PHLPP2: variants seen among roughly 807,000 people sequenced by gnomAD.
PHLPP2 encodes PH domain and leucine rich repeat protein phosphatase 2.
A neutral mutation model predicts 124.9 loss-of-function variants in PHLPP2; 66 were observed. The observed-to-expected ratio is 0.53, with a 90% CI of 0.43 to 0.65. PHLPP2 has a LOEUF of 0.65. PHLPP2 is among the 30% of genes least tolerant of loss of function. The pLI is 0.00. For synonymous variants in PHLPP2, 681 were observed against 624.7 expected, an observed-to-expected ratio of 1.09 and a Z score of -1.34; for missense variants, 1,685 against 1,600.4, an observed-to-expected ratio of 1.05 and a Z score of -0.90.
In PHLPP2 at chr16:71,664,081, T is replaced by A; in HGVS notation, c.1803A>T (p.Ala601=). The change falls in exon 13 of 19, where the codon GCA becomes GCT. Residue 601 remains alanine (A), a synonymous_variant. Transcript: ENST00000568954. Reference sequence around the variant, plus strand: ...GTAAAGACTCCAGACTATTTGCAGATGCATTCAAGTATCTGAGACTGACAG... The same window carrying A: ...GTAAAGACTCCAGACTATTTGCAGAAGCATTCAAGTATCTGAGACTGACAG... ...SKALNLRYLN[A]SANSLESLPS... 3 of 1,612,578 alleles carry A rather than the reference T, an allele frequency of 1.9e-6. No homozygotes were observed. Among genetic ancestry groups the A allele is most frequent in the South Asian group, 1.1e-5 (1 of 91,052 alleles).
chr16:71,665,945 A>G (rs973236353), intron 12 of PHLPP2: 2 of 152,234 alleles, frequency 1.3e-5, no homozygotes, highest in African/African-American at 4.8e-5. Context: ...TGCTAAAGAG[A>G]GAACAAGCCA....
At chr16:71,695,355 A>C (rs1406078845) in intron 3 of PHLPP2, among the ~76,000 whole-genome samples, 1 of 152,196 alleles carries the variant, frequency 6.6e-6, no homozygotes, top group Non-Finnish European at 1.5e-5. Flanking sequence ...GTCCATCACT[A>C]AGGAGATGGT....
At chr16:71,681,958 C>G in intron 5 of PHLPP2, 53 bp from the exon 6 acceptor site, 1 of 1,324,860 alleles carries the variant, frequency 7.5e-7, no homozygotes, top group South Asian at 1.8e-5. Flanking sequence ...ATGTCTATCA[C>G]CCAGCAAAGA....
At chr16:71,701,265 C>CATCTATCT (rs61251526) in intron 3 of PHLPP2, among the ~76,000 whole-genome samples, 79 of 149,868 alleles carry the variant, frequency 5.3e-4, no homozygotes, top group Non-Finnish European at 7.7e-4. Context: ...ATAACTAATT[C>CATCTATCT]ATCTATCTAT....
chr16:71,722,538 T>C (rs1326316992), intron 1 of PHLPP2, among the ~76,000 whole-genome samples: 1 of 152,222 alleles, frequency 6.6e-6, no homozygotes, highest in Admixed American at 6.5e-5. Context: ...TCTATTATTG[T>C]TTTTCCGTGT....
rs551235076 is a variant in PHLPP2 at position 71,666,932 on chromosome 16, G to A, written c.1784+246C>T. On this transcript the variant is annotated intron_variant, in intron 12 of 18. Transcript: ENST00000568954. ...ATGAAAGCCTGAATCTTCTCAACCTGTCTGAAATTGTTTACAACACAGAAA... is the reference window on the plus strand; with the variant it reads ...ATGAAAGCCTGAATCTTCTCAACCTATCTGAAATTGTTTACAACACAGAAA... 2.1e-4 allele frequency among the ~76,000 whole-genome samples: 32 copies of A among 152,226 alleles called. No individual in the cohort carries two copies. In the East Asian group the frequency reaches 6.0e-3, roughly 28 times the overall value.
At chr16:71,690,756 G>C (rs1348829386) in intron 3 of PHLPP2, 47 bp from the exon 4 acceptor site, 2 of 1,294,914 alleles carry the variant, frequency 1.5e-6, no homozygotes, top group Admixed American at 2.0e-5. Context: ...AGTAGTGTAA[G>C]AATACAGAAA....
rs1467310303 is a variant in PHLPP2 at position 71,652,877 on chromosome 16, C to A, written c.2730G>T (p.Lys910Asn). ...TCQAVLCRGG[K>N]PVPLSKVFSL... Reference sequence around the variant, plus strand: ...TGAAGACTTTAGAGAGGGGCACTGGCTTCCCACCTCGGCACAGGACTGCTT... The same window carrying A: ...TGAAGACTTTAGAGAGGGGCACTGGATTCCCACCTCGGCACAGGACTGCTT... Residue 910 changes from lysine to asparagine, a missense_variant, in exon 18 of 19, where the codon AAG (lysine) becomes AAT (asparagine). Lys to Asn is a moderately conservative substitution (Grantham distance 94, BLOSUM62 0). Coordinates refer to ENST00000568954, the MANE Select transcript of PHLPP2 (RefSeq NM_015020.3). 1 of 1,614,158 alleles carries A rather than the reference C, an allele frequency of 6.2e-7. No homozygotes were observed.
At chr16:71,657,766 G>A (rs536432126) in intron 15 of PHLPP2, among the ~76,000 whole-genome samples, 14 of 152,162 alleles carry the variant, frequency 9.2e-5, no homozygotes, top group Non-Finnish European at 1.8e-4. Flanking sequence ...GATGAAAGTA[G>A]TATGCTGAAC....
rs1388712859 is a variant in PHLPP2 at position 71,688,657 on chromosome 16, G to A, written c.609+1862C>T. Among the ~76,000 whole-genome samples the A allele has an allele frequency of 4.3e-5, 6 of 140,348 alleles. No homozygotes were observed. The East Asian group carries it at 1.1e-3, about 27-fold the overall frequency. 92.1% of individuals were successfully genotyped at this position (140,348 alleles called of 152,430 possible). On this transcript the variant is annotated intron_variant, in intron 4 of 18. Transcript: ENST00000568954. ...GTGTGAGAGGGAGTTTACATTTCAG[G>A]TTCATTTGAATGGTAGGTTCATTTT...
At chr16:71,685,650 G>T (rs1051247042) in intron 4 of PHLPP2, among the ~76,000 whole-genome samples, 1 of 152,196 alleles carries the variant, frequency 6.6e-6, no homozygotes, top group Non-Finnish European at 1.5e-5. Context: ...GCAACTGAAT[G>T]AGTCTGTGTC....
chr16:71,689,532 A>G (rs1597006355), intron 4 of PHLPP2, among the ~76,000 whole-genome samples: 1 of 151,850 alleles, frequency 6.6e-6, no homozygotes, highest in African/African-American at 2.4e-5. Context: ...AACTGGGATT[A>G]CAGGCACCCA....
At position 71,649,470 on chromosome 16, in the gene PHLPP2, C is replaced by G; in HGVS notation, c.3392G>C (p.Arg1131Pro). 3 of 1,614,044 alleles carry G rather than the reference C, an allele frequency of 1.9e-6. No individual in the cohort carries two copies. Among genetic ancestry groups the G allele is most frequent in the Non-Finnish European group, 2.5e-6 (3 of 1,179,980 alleles). ...GGAGAAGGTAGCAGAAGAAGGCTGGCGCTGAAACAGCCCAGAGGTGGGTGT... is the reference window on the plus strand; with the variant it reads ...GGAGAAGGTAGCAGAAGAAGGCTGGGGCTGAAACAGCCCAGAGGTGGGTGT... The part of the protein sequence containing the change: ...HPTPTSGLFQ[R>P]QPSSATFSSN... Residue 1131 changes from arginine to proline, a missense_variant, in exon 19 of 19, where the codon CGC (arginine) becomes CCC (proline). Arg to Pro is a moderately radical substitution (Grantham distance 103). Coordinates refer to ENST00000568954, the MANE Select transcript of PHLPP2 (RefSeq NM_015020.3).
Position 71,647,490 on chromosome 16 carries a change from T to G in PHLPP2, c.*1400A>C, listed in dbSNP as rs1481406766. 1 of 152,408 alleles carries G rather than the reference T, an allele frequency of 6.6e-6. No individual in the cohort carries two copies. The highest frequency in any genetic ancestry group is 2.4e-5 in the African/African-American group (1 of 41,440). 9.4% of individuals were successfully genotyped at this position (152,408 alleles called of 1,614,324 possible). ...CCAACATTCTAGAGAACCATCCCTC[T>G]CCTCCAGCATAGGAGAAGGAACAAG... is the stretch of plus-strand genomic sequence containing the variant. On this transcript the variant is annotated 3_prime_UTR_variant, in exon 19 of 19. Transcript: ENST00000568954.
chr16:71,704,278 C>G (rs963045632), intron 2 of PHLPP2, among the ~76,000 whole-genome samples: 1 of 143,292 alleles, frequency 7.0e-6, no homozygotes, highest in African/African-American at 2.6e-5. Flanking sequence ...CCACCGCACT[C>G]CAGCCTGGGC....
rs111697138 is a variant in PHLPP2, at chr16:71,715,833, A to C, written c.-6-1032T>G. Among the ~76,000 whole-genome samples the C allele has an allele frequency of 2.6e-3, 394 of 150,866 alleles. 7 individuals are homozygous for C. Among genetic ancestry groups the C allele is most frequent in the African/African-American group, 8.1e-3 (331 of 40,808 alleles). ...TCTCCACTAAAAATACAAAAAAAAA[A>C]AAAAAACAAAAAATTAGCCGAGTGT... On this transcript the variant is annotated intron_variant, in intron 1 of 18. Transcript: ENST00000568954.
chr16:71,672,463 C>T (rs1042540835), intron 9 of PHLPP2, 141 bp from the exon 10 acceptor site: 4 of 654,556 alleles, frequency 6.1e-6, no homozygotes, highest in Non-Finnish European at 1.1e-5. Flanking sequence ...ACAAAAACTA[C>T]TGAAAACTCA....
intron 7 of PHLPP2, 121 bp downstream of exon 7, chr16:71,679,267 AG>A: frequency 3.5e-6 from 3 of 863,200 alleles, no homozygotes; most frequent in Non-Finnish European, 5.5e-6. Flanking sequence ...GCTGCTGACT[AG>A]AATCCTAAGT....
intron 3 of PHLPP2, among the ~76,000 whole-genome samples, chr16:71,695,060 C>T (rs2045155471): frequency 1.3e-5 from 2 of 152,122 alleles, no homozygotes; most frequent in African/African-American, 2.4e-5. Context: ...GCTGGGATTA[C>T]AGGCATGAGC....
Sources: gnomAD v4.1 joint callset for allele counts (sites outside exome capture counted in the v4.1 genomes callset) on GRCh38, gnomAD v4.1.1 for gene constraint, MANE v1.5 for transcripts, NCBI Gene and HGNC (gene_info 2026-07-23, HGNC 2026-07-21) for gene names.